GALNT5: variants seen among roughly 807,000 people sequenced by gnomAD.
The protein encoded by GALNT5 is polypeptide N-acetylgalactosaminyltransferase 5, also known as UDP-GalNAc:polypeptide N-acetylgalactosaminyltransferase 5.
GALNT5 carries 72 observed loss-of-function variants against 85.4 expected under a neutral mutation model. The ratio of observed to expected loss-of-function variants is 0.84; its 90% CI spans 0.70 to 1.03. The LOEUF is 1.03. GALNT5 is among the 50% of genes least tolerant of loss of function. The probability of loss-of-function intolerance (pLI) is 0.00; values close to 1 mark genes in which losing one functional copy is unlikely to be tolerated. For synonymous variants in GALNT5, 404 were observed against 397.0 expected, an observed-to-expected ratio of 1.02 and a Z score of -0.21; for missense variants, 1,137 against 1,135.5, an observed-to-expected ratio of 1.00 and a Z score of -0.02.
intron 3 of GALNT5, among the ~76,000 whole-genome samples, chr2:157,290,112 T>TATATACAC (rs1416458086): frequency 7.2e-6 from 1 of 138,234 alleles, no homozygotes; most frequent in African/African-American, 3.1e-5. Context: ...TATATATATA[T>TATATACAC]ACATACACAA....
At chr2:157,269,204 G>A (rs1682527131) in intron 1 of GALNT5, among the ~76,000 whole-genome samples, 1 of 152,174 alleles carries the variant, frequency 6.6e-6, no homozygotes, top group Non-Finnish European at 1.5e-5. Context: ...CTTTGCGGGG[G>A]TTTCCCACTG....
intron 5 of GALNT5, chr2:157,298,699 C>T (rs1046191481): frequency 1.3e-5 from 2 of 152,216 alleles, no homozygotes; most frequent in Non-Finnish European, 2.9e-5. Context: ...GTGTTTTGTT[C>T]AACTCTTTGT....
intron 1 of GALNT5, among the ~76,000 whole-genome samples, chr2:157,262,286 C>T (rs902502168): frequency 1.3e-5 from 2 of 150,382 alleles, no homozygotes; most frequent in African/African-American, 2.4e-5. Context: ...AATAACTAGT[C>T]GGTAGTTAAC....
intron 3 of GALNT5, among the ~76,000 whole-genome samples, chr2:157,294,876 GGAGA>G (rs139183450): frequency 2.0e-5 from 3 of 149,352 alleles, no homozygotes; most frequent in Non-Finnish European, 3.0e-5. Context: ...AGGTTTCAAT[GGAGA>G]GAGAGAGAGA....
intron 5 of GALNT5, among the ~76,000 whole-genome samples, chr2:157,298,599 C>T (rs1449252991): frequency 1.3e-5 from 2 of 152,210 alleles, no homozygotes; most frequent in African/African-American, 4.8e-5. Flanking sequence ...ACCGTTTGCT[C>T]CGGCCCACTC....
In GALNT5 at chr2:157,300,895, C is replaced by A; in HGVS notation, c.2335C>A (p.Gln779Lys). 1 of 1,613,908 alleles carries A rather than the reference C, an allele frequency of 6.2e-7. No homozygotes were observed. The highest frequency in any genetic ancestry group is 8.5e-7 in the Non-Finnish European group (1 of 1,179,838). Residue 779 changes from glutamine to lysine, a missense_variant, in exon 7 of 10, where the codon CAG becomes AAG. Gln to Lys is a moderately conservative substitution (Grantham distance 53, BLOSUM62 1). Coordinates refer to ENST00000259056, the MANE Select transcript of GALNT5 (RefSeq NM_014568.3). The part of the protein sequence containing the change: ...DQGLDVGNLT[Q>K]QRELRKKLKC... Reference sequence around the variant, plus strand: ...AGGGCTAGATGTTGGCAACCTCACCCAGCAAAGGGAGCTGCGAAAGAAACT... The same window carrying A: ...AGGGCTAGATGTTGGCAACCTCACCAAGCAAAGGGAGCTGCGAAAGAAACT...
At chr2:157,282,733 CA>C (rs11408490) in intron 1 of GALNT5, among the ~76,000 whole-genome samples, 1 of 151,436 alleles carries the variant, frequency 6.6e-6, no homozygotes, top group Non-Finnish European at 1.5e-5. Context: ...GCCCATTCTA[CA>C]AAAAAAACCA....
intron 3 of GALNT5, among the ~76,000 whole-genome samples, chr2:157,287,895 C>T (rs997317752): frequency 1.3e-5 from 2 of 152,176 alleles, no homozygotes; most frequent in Non-Finnish European, 2.9e-5. Flanking sequence ...TGAATCCTCA[C>T]AATAACTCTA....
At chr2:157,280,858 A>G (rs1682840514) in intron 1 of GALNT5, among the ~76,000 whole-genome samples, 1 of 152,092 alleles carries the variant, frequency 6.6e-6, no homozygotes, top group South Asian at 2.1e-4. Context: ...AAAGTGTCAG[A>G]GACCTCACCT....
intron 1 of GALNT5, among the ~76,000 whole-genome samples, chr2:157,267,995 T>C (rs1298702970): frequency 6.6e-6 from 1 of 152,244 alleles, no homozygotes; most frequent in Non-Finnish European, 1.5e-5. Flanking sequence ...GCTCTTCAGC[T>C]GTGTGCTCAA....
intron 1 of GALNT5, among the ~76,000 whole-genome samples, chr2:157,270,467 C>G (rs1682558323): frequency 6.6e-6 from 1 of 152,210 alleles, no homozygotes; most frequent in Non-Finnish European, 1.5e-5. Flanking sequence ...ATTACATTAA[C>G]AGATAACCCT....
chr2:157,315,279 T>G lies in GALNT5; in HGVS notation c.*3931T>G, dbSNP rs896091773. 2.0e-5 allele frequency among the ~76,000 whole-genome samples: 3 copies of G among 152,146 alleles called. No individual in the cohort carries two copies. The highest frequency in any genetic ancestry group is 4.4e-5 in the Non-Finnish European group (3 of 68,046). ...CAAATGACTCTCATTCTCCCTGTTA[T>G]ATGAACAAGAAGGATAACTCCCACA... On this transcript the variant is annotated 3_prime_UTR_variant, in exon 10 of 10. Coordinates refer to ENST00000259056, the MANE Select transcript of GALNT5 (RefSeq NM_014568.3).
intron 1 of GALNT5, among the ~76,000 whole-genome samples, chr2:157,277,670 C>T (rs1195562415): frequency 5.9e-5 from 9 of 152,102 alleles, no homozygotes; most frequent in Admixed American, 5.9e-4. Context: ...TTTCCATTTG[C>T]CTGGTAGATC....
At chr2:157,272,298 TTC>T (rs1383405263) in intron 1 of GALNT5, among the ~76,000 whole-genome samples, 1 of 152,138 alleles carries the variant, frequency 6.6e-6, no homozygotes, top group African/African-American at 2.4e-5. Flanking sequence ...ACCCTCCTAT[TTC>T]TTTCTTTTCT....
At chr2:157,290,089 A>G (rs1198808724) in intron 3 of GALNT5, among the ~76,000 whole-genome samples, 1 of 7,004 alleles carries the variant, frequency 1.4e-4, no homozygotes. Context: ...AAAAAAATGT[A>G]TATATATATA....
At chr2:157,288,525 C>T (rs1018303399) in intron 3 of GALNT5, among the ~76,000 whole-genome samples, 5 of 152,142 alleles carry the variant, frequency 3.3e-5, no homozygotes, top group Non-Finnish European at 7.4e-5. Context: ...ATGAGCTTGG[C>T]ATATTCAAGG....
chr2:157,260,100 T>C (rs1682304108), intron 1 of GALNT5, among the ~76,000 whole-genome samples: 1 of 152,218 alleles, frequency 6.6e-6, no homozygotes, highest in African/African-American at 2.4e-5. Context: ...ATGGTAGATA[T>C]TTCAGGAGAT....
intron 3 of GALNT5, among the ~76,000 whole-genome samples, chr2:157,290,134 C>CAT (rs199771043): frequency 0.02 from 2,761 of 141,538 alleles, 113 homozygotes; most frequent in East Asian, 0.16. Context: ...CACATATATA[C>CAT]ATATATATGC....
At chr2:157,262,819 C>CTTTTTT (rs535380585) in intron 1 of GALNT5, among the ~76,000 whole-genome samples, 3 of 100,948 alleles carry the variant, frequency 3.0e-5, no homozygotes, top group Non-Finnish European at 3.7e-5. Context: ...TTTCACAACT[C>CTTTTTT]TTTTTTTTTT....
Sources: gnomAD v4.1 joint callset for allele counts (sites outside exome capture counted in the v4.1 genomes callset) on GRCh38, gnomAD v4.1.1 for gene constraint, MANE v1.5 for transcripts, NCBI Gene and HGNC (gene_info 2026-07-23, HGNC 2026-07-21) for gene names.